NUDT9: variants seen among roughly 807,000 people sequenced by gnomAD.
The protein encoded by NUDT9 is nudix hydrolase 9.
Under a neutral mutation model 41.0 loss-of-function variants are expected in NUDT9, and 31 were observed. That is an observed-to-expected ratio of 0.76 (90% confidence interval 0.57 to 1.02). The LOEUF (loss-of-function observed/expected upper bound fraction) is 1.02, where lower values mean the gene tolerates loss of function less well. Among genes scored for constraint, NUDT9 ranks in the 50% least tolerant of loss-of-function variants. The pLI is 0.00. For synonymous variants in NUDT9, 146 were observed against 147.6 expected, an observed-to-expected ratio of 0.99 and a Z score of 0.08; for missense variants, 380 against 431.4, an observed-to-expected ratio of 0.88 and a Z score of 1.06.
rs1260305416 is a variant in NUDT9 at position 87,426,073 on chromosome 4, A to G, written c.107+3061A>G. 2.6e-5 allele frequency among the ~76,000 whole-genome samples: 4 copies of G among 152,280 alleles called. No homozygotes were observed. The South Asian group carries it at 6.2e-4, about 24-fold the overall frequency. On this transcript the variant is annotated intron_variant, in intron 1 of 7. Transcript: ENST00000302174. ...AGTGATCCTCCTGCCTTGGCCTCCT[A>G]AAGTTCTGGGATTGTAGGTGTGAGA...
chr4:87,454,182 A>C (rs541501454), intron 6 of NUDT9, among the ~76,000 whole-genome samples, 189 bp from the exon 7 acceptor site: 1 of 152,190 alleles, frequency 6.6e-6, no homozygotes, highest in South Asian at 2.1e-4. Context: ...TCTTTAAAAA[A>C]ATTTTGATAG....
intron 5 of NUDT9, among the ~76,000 whole-genome samples, chr4:87,450,767 A>G (rs1054934571): frequency 3.9e-5 from 6 of 152,158 alleles, no homozygotes; most frequent in Admixed American, 6.5e-5. Flanking sequence ...AGAATCTTGC[A>G]TTTTTATTGT....
intron 6 of NUDT9, among the ~76,000 whole-genome samples, chr4:87,452,916 A>G (rs1451491131): frequency 6.9e-6 from 1 of 144,350 alleles, no homozygotes; most frequent in African/African-American, 2.6e-5. Context: ...GGTTCAAGTG[A>G]TTCTCCTGCC....
intron 1 of NUDT9, among the ~76,000 whole-genome samples, chr4:87,429,232 G>C (rs1407926520): frequency 6.6e-6 from 1 of 152,086 alleles, no homozygotes; most frequent in African/African-American, 2.4e-5. Context: ...GTTCACTGCA[G>C]CCTTGACCTC....
chr4:87,439,489 C>T (rs1322674011), intron 3 of NUDT9, among the ~76,000 whole-genome samples: 1 of 151,838 alleles, frequency 6.6e-6, no homozygotes. Context: ...AACCCTGTCT[C>T]TACTAAAAAT....
At chr4:87,443,013 T>A (rs1722281878) in intron 4 of NUDT9, among the ~76,000 whole-genome samples, 1 of 152,226 alleles carries the variant, frequency 6.6e-6, no homozygotes, top group African/African-American at 2.4e-5. Context: ...ACATAGTCAC[T>A]TATTATCAAG....
intron 3 of NUDT9, among the ~76,000 whole-genome samples, chr4:87,438,630 A>G (rs1187673833): frequency 1.3e-5 from 2 of 152,238 alleles, no homozygotes; most frequent in Non-Finnish European, 2.9e-5. Flanking sequence ...TTGTAATTGT[A>G]TCTTGGAAAC....
chr4:87,425,238 A>G (rs1431682586), intron 1 of NUDT9, among the ~76,000 whole-genome samples: 3 of 151,680 alleles, frequency 2.0e-5, no homozygotes, highest in Admixed American at 6.6e-5. Context: ...AGTCCTCACT[A>G]TCAGTAGGAT....
Position 87,440,324 on chromosome 4 carries a change from A to G in NUDT9, c.444-1505A>G, listed in dbSNP as rs555103862. On this transcript the variant is annotated intron_variant, in intron 3 of 7. Transcript: ENST00000302174. Reference sequence around the variant, plus strand: ...AACTTGAGGAAAAGATGGAATTCGAAATCCATCAGGACTCTCTCTCTGCTT... The same window carrying G: ...AACTTGAGGAAAAGATGGAATTCGAGATCCATCAGGACTCTCTCTCTGCTT... Among the ~76,000 whole-genome samples the G allele has an allele frequency of 2.6e-5, 4 of 152,288 alleles. No homozygotes were observed. The South Asian group carries it at 6.2e-4, about 24-fold the overall frequency.
chr4:87,457,576 G>A (rs962644217), intron 7 of NUDT9, among the ~76,000 whole-genome samples: 4 of 151,964 alleles, frequency 2.6e-5, no homozygotes, highest in East Asian at 3.8e-4. Context: ...ATATAATCTC[G>A]TTTTTAAGGA....
intron 6 of NUDT9, among the ~76,000 whole-genome samples, chr4:87,452,749 C>T (rs116678797): frequency 7.9e-5 from 12 of 151,140 alleles, no homozygotes; most frequent in African/African-American, 2.4e-4. Context: ...CCTGGCATTC[C>T]GTGCTTTTAA....
intron 5 of NUDT9, among the ~76,000 whole-genome samples, chr4:87,450,259 CTT>C (rs1275733879): frequency 6.6e-5 from 10 of 151,196 alleles, no homozygotes; most frequent in Middle Eastern, 3.5e-3. Flanking sequence ...GAGGATGACT[CTT>C]TATAAAAACA....
At chr4:87,457,712 T>G (rs1431078437) in intron 7 of NUDT9, 131 bp from the exon 8 acceptor site, 1 of 750,526 alleles carries the variant, frequency 1.3e-6, no homozygotes, top group Non-Finnish European at 2.1e-6. Flanking sequence ...TGGAATGGTC[T>G]AGTTTTTAAT....
intron 4 of NUDT9, among the ~76,000 whole-genome samples, chr4:87,442,441 A>G (rs936417467): frequency 6.6e-6 from 1 of 152,216 alleles, no homozygotes; most frequent in Non-Finnish European, 1.5e-5. Context: ...AAAGCCTAAG[A>G]CATTACTGTC....
chr4:87,422,702 G>A lies in NUDT9; in HGVS notation c.-204G>A. The A allele has an allele frequency of 4.5e-6, 2 of 441,734 alleles. No homozygotes were observed. The highest frequency in any genetic ancestry group is 4.1e-5 in the African/African-American group (2 of 48,874). 27.4% of individuals were successfully genotyped at this position (441,734 alleles called of 1,614,324 possible). On this transcript the variant is annotated 5_prime_UTR_variant, in exon 1 of 8. Transcript: ENST00000302174. ...TCTGGATTTTTCTCGATGCACTGGGGAAAGCGGTGGACTCTTATCGTGGGA... is the reference window on the plus strand; with the variant it reads ...TCTGGATTTTTCTCGATGCACTGGGAAAAGCGGTGGACTCTTATCGTGGGA...
Position 87,449,260 on chromosome 4 carries a change from A to C in NUDT9, c.642+7A>C. ...AGAATGGGCAATCCCAGGGGTAAGCATTAAAATTAAATTAGTGTTTAAGTT... is the reference window on the plus strand; with the variant it reads ...AGAATGGGCAATCCCAGGGGTAAGCCTTAAAATTAAATTAGTGTTTAAGTT... On this transcript the variant is annotated splice_region_variant and intron_variant, in intron 5 of 7. Coordinates refer to ENST00000302174, the MANE Select transcript of NUDT9 (RefSeq NM_024047.5). 1 of 1,434,172 alleles carries C rather than the reference A, an allele frequency of 7.0e-7. No homozygotes were observed. The highest frequency in any genetic ancestry group is 9.8e-7 in the Non-Finnish European group (1 of 1,016,698). 88.8% of individuals were successfully genotyped at this position (1,434,172 alleles called of 1,614,324 possible).
chr4:87,437,630 C>T (rs1358608561), intron 2 of NUDT9, among the ~76,000 whole-genome samples: 1 of 152,048 alleles, frequency 6.6e-6, no homozygotes, highest in Non-Finnish European at 1.5e-5. Flanking sequence ...GCGTGAGCCA[C>T]CATGCCTGGC....
chr4:87,457,236 ATTTTT>A (rs34596563), intron 7 of NUDT9, among the ~76,000 whole-genome samples: 2 of 126,648 alleles, frequency 1.6e-5, no homozygotes, highest in African/African-American at 5.9e-5. Context: ...GATAATTTAA[ATTTTT>A]TTTTTTTTTT....
At chr4:87,453,788 A>G (rs2110191704) in intron 6 of NUDT9, among the ~76,000 whole-genome samples, 1 of 152,174 alleles carries the variant, frequency 6.6e-6, no homozygotes, top group East Asian at 1.9e-4. Context: ...GGGAAATTTG[A>G]AACAAGCACA....
Sources: gnomAD v4.1 joint callset for allele counts (sites outside exome capture counted in the v4.1 genomes callset) on GRCh38, gnomAD v4.1.1 for gene constraint, MANE v1.5 for transcripts, NCBI Gene and HGNC (gene_info 2026-07-23, HGNC 2026-07-21) for gene names.